Variants in HIP1 observed in about 807,000 individuals in gnomAD.
The protein encoded by HIP1 is huntingtin-interacting protein 1.
Under a neutral mutation model 147.6 loss-of-function variants are expected in HIP1, and 65 were observed. That is an observed-to-expected ratio of 0.44 (90% CI 0.36 to 0.54). The LOEUF (loss-of-function observed/expected upper bound fraction) is 0.54, where lower values mean the gene tolerates loss of function less well. HIP1 is among the 20% of genes least tolerant of loss of function. The probability of loss-of-function intolerance (pLI) is 0.00; values close to 1 mark genes in which losing one functional copy is unlikely to be tolerated. For missense variants in HIP1, 1,061 were observed against 1,299.6 expected (o/e 0.82, Z 2.82); for synonymous variants, 479 against 504.0 (o/e 0.95, Z 0.67).
At chr7:75,559,640 C>G (rs587713974) in intron 14 of HIP1, 92 bp downstream of exon 14, 5 of 1,029,120 alleles carry the variant, frequency 4.9e-6, no homozygotes, top group South Asian at 1.6e-5. Context: ...GGGTCTCCCC[C>G]ACCCAGCCTC....
chr7:75,691,657 G>A (rs1250156043), intron 1 of HIP1, among the ~76,000 whole-genome samples: 3 of 151,056 alleles, frequency 2.0e-5, no homozygotes, highest in Non-Finnish European at 4.4e-5. Context: ...AAAATTAGCC[G>A]GGCACCTGTA....
chr7:75,674,628 G>A (rs782313656), intron 1 of HIP1, among the ~76,000 whole-genome samples: 1 of 151,886 alleles, frequency 6.6e-6, no homozygotes, highest in Non-Finnish European at 1.5e-5. Flanking sequence ...GAGTAGCTGG[G>A]ACTACAGATG....
chr7:75,631,254 AT>A lies in HIP1; in HGVS notation c.121-32008del, dbSNP rs1798209351. Among the ~76,000 whole-genome samples, 11 of 152,250 alleles carry A rather than the reference AT, an allele frequency of 7.2e-5. No homozygotes were observed. In the South Asian group the frequency reaches 2.3e-3, roughly 32 times the overall value. ...CTCCCAAAGCACTGGGATTACAGGC[AT>A]AAGCCACCATGCCTGGCTTGTGTCA... is the stretch of plus-strand genomic sequence containing the variant. On this transcript the variant is annotated intron_variant, in intron 1 of 30. Coordinates refer to ENST00000336926, the MANE Select transcript of HIP1 (RefSeq NM_005338.7).
intron 8 of HIP1, among the ~76,000 whole-genome samples, chr7:75,573,129 C>A (rs374929102): frequency 2.6e-5 from 4 of 152,326 alleles, no homozygotes; most frequent in Non-Finnish European, 4.4e-5. Flanking sequence ...ATGGACCAAT[C>A]GTGGTGCATT....
At chr7:75,593,966 A>G (rs1796594058) in intron 2 of HIP1, among the ~76,000 whole-genome samples, 1 of 151,474 alleles carries the variant, frequency 6.6e-6, no homozygotes, top group African/African-American at 2.4e-5. Flanking sequence ...CCCTGCAGAT[A>G]GTCGTCAGTT....
intron 4 of HIP1, among the ~76,000 whole-genome samples, chr7:75,587,893 A>G (rs1328308608): frequency 6.6e-6 from 1 of 152,174 alleles, no homozygotes. Flanking sequence ...GAGCCCAGGA[A>G]GTTGAGGCTG....
chr7:75,650,038 C>A (rs1798922103), intron 1 of HIP1, among the ~76,000 whole-genome samples: 1 of 152,132 alleles, frequency 6.6e-6, no homozygotes, highest in Non-Finnish European at 1.5e-5. Flanking sequence ...AGGTGCACCC[C>A]CAGAGCCTAA....
At chr7:75,557,827 CCTT>C (rs1795075367) in intron 15 of HIP1, 57 bp from the exon 16 acceptor site, 16 of 1,272,042 alleles carry the variant, frequency 1.3e-5, no homozygotes, top group Non-Finnish European at 1.8e-5. Flanking sequence ...AGGACATCCT[CCTT>C]CTAGGACAAT....
intron 9 of HIP1, among the ~76,000 whole-genome samples, chr7:75,565,498 A>G (rs1554495349): frequency 2.0e-5 from 3 of 152,208 alleles, no homozygotes; most frequent in Non-Finnish European, 4.4e-5. Flanking sequence ...GAACAGGGGT[A>G]CCAGGAGGTG....
chr7:75,615,320 C>T (rs1374013295), intron 1 of HIP1, among the ~76,000 whole-genome samples: 1 of 151,482 alleles, frequency 6.6e-6, no homozygotes, highest in South Asian at 2.1e-4. Context: ...TTTGAGAGGC[C>T]GAGGCAGGAG....
intron 1 of HIP1, among the ~76,000 whole-genome samples, chr7:75,716,563 A>T (rs1459550725): frequency 3.5e-5 from 5 of 143,826 alleles, no homozygotes; most frequent in Non-Finnish European, 7.5e-5. Flanking sequence ...TCTGTCACCC[A>T]GGCTGGAGTG....
chr7:75,723,683 A>G (rs1584980686), intron 1 of HIP1, among the ~76,000 whole-genome samples: 1 of 152,034 alleles, frequency 6.6e-6, no homozygotes, highest in Non-Finnish European at 1.5e-5. Flanking sequence ...TCATGCTGGG[A>G]AACTCCCTTG....
intron 30 of HIP1, among the ~76,000 whole-genome samples, 188 bp downstream of exon 30, chr7:75,539,135 C>T (rs1554489337): frequency 3.3e-5 from 5 of 152,180 alleles, no homozygotes; most frequent in Admixed American, 2.0e-4. Context: ...ATCACCATAA[C>T]TTCACCCAAA....
chr7:75,615,698 AGGAGGT>A (rs1554505835), intron 1 of HIP1, among the ~76,000 whole-genome samples: 1 of 152,128 alleles, frequency 6.6e-6, no homozygotes, highest in Non-Finnish European at 1.5e-5. Flanking sequence ...GATTGAGCCC[AGGAGGT>A]GGAGGTTGCA....
intron 1 of HIP1, among the ~76,000 whole-genome samples, chr7:75,680,072 T>G (rs1800014083): frequency 6.6e-6 from 1 of 152,210 alleles, no homozygotes; most frequent in Non-Finnish European, 1.5e-5. Context: ...AGACAGAGTC[T>G]CACTGTGTCA....
intron 1 of HIP1, among the ~76,000 whole-genome samples, chr7:75,708,870 T>C (rs1430527127): frequency 6.6e-6 from 1 of 152,122 alleles, no homozygotes. Flanking sequence ...AATTTTAAGA[T>C]GGGTTTTTCT....
intron 8 of HIP1, among the ~76,000 whole-genome samples, chr7:75,571,072 T>C (rs782137785): frequency 1.3e-5 from 2 of 152,222 alleles, no homozygotes; most frequent in East Asian, 1.9e-4. Context: ...GTATCCCTCC[T>C]ACCCCTTCCT....
intron 1 of HIP1, among the ~76,000 whole-genome samples, chr7:75,729,470 C>T (rs1424245951): frequency 1.3e-5 from 2 of 151,536 alleles, no homozygotes; most frequent in Admixed American, 6.6e-5. Context: ...CTGGGCAACA[C>T]AGCAAGACTC....
intron 1 of HIP1, among the ~76,000 whole-genome samples, chr7:75,600,749 T>TTTA (rs1264400157): frequency 7.2e-4 from 110 of 152,056 alleles, no homozygotes; most frequent in African/African-American, 2.0e-3. Context: ...AACTCTAGTT[T>TTTA]TTATTATTAT....
Sources: gnomAD v4.1 joint callset for allele counts (sites outside exome capture counted in the v4.1 genomes callset) on GRCh38, gnomAD v4.1.1 for gene constraint, MANE v1.5 for transcripts, NCBI Gene and HGNC (gene_info 2026-07-23, HGNC 2026-07-21) for gene names.